Variants in PACRG observed in about 807,000 individuals in gnomAD.
PACRG encodes parkin coregulated gene protein.
PACRG carries 29 observed loss-of-function variants against 29.7 expected under a neutral mutation model. The observed-to-expected ratio is 0.98, with a 90% CI of 0.73 to 1.33. The LOEUF is 1.33. Among genes scored for constraint, PACRG ranks in the 40% most tolerant of loss-of-function variants. PACRG has a pLI of 0.00. For synonymous variants in PACRG, 116 were observed against 118.7 expected (o/e 0.98, Z 0.15); for missense variants, 279 against 316.2 (o/e 0.88, Z 0.89).
rs1225672104 is a variant in PACRG at position 162,728,335 on chromosome 6, C to T, written c.100C>T (p.Pro34Ser). 6 of 1,613,978 alleles carry T rather than the reference C, an allele frequency of 3.7e-6. No homozygotes were observed. The highest frequency in any genetic ancestry group is 3.4e-6 in the Non-Finnish European group (4 of 1,180,026). The change falls in exon 1 of 5, where the codon CCT (proline) becomes TCT (serine). Residue 34 changes from proline to serine, a missense_variant. Coordinates refer to ENST00000366888, the MANE Select transcript of PACRG (RefSeq NM_001080379.2). Reference sequence around the variant, plus strand: ...ACAACAGCCGCTCCCGGTGCACCAGCCTCACTCTCTGGTTTCTGAGGGTTT... The same window carrying T: ...ACAACAGCCGCTCCCGGTGCACCAGTCTCACTCTCTGGTTTCTGAGGGTTT... ...LAQQPLPVHQ[P>S]HSLVSEGFTV...
intron 4 of PACRG, among the ~76,000 whole-genome samples, chr6:163,113,449 ATAT>A (rs758140925): frequency 6.6e-6 from 1 of 152,336 alleles, no homozygotes; most frequent in East Asian, 1.9e-4. Flanking sequence ...ACACTGAGAC[ATAT>A]TATAATCAAA....
chr6:163,239,560 C>T (rs944847301), intron 4 of PACRG, among the ~76,000 whole-genome samples: 1 of 152,002 alleles, frequency 6.6e-6, no homozygotes, highest in African/African-American at 2.4e-5. Context: ...TCAATCTCTC[C>T]AAGTGCAACC....
At chr6:163,311,855 C>G (rs978157373) in intron 4 of PACRG, among the ~76,000 whole-genome samples, 10 of 152,122 alleles carry the variant, frequency 6.6e-5, no homozygotes, top group Admixed American at 6.6e-4. Context: ...TTCTGCTTGT[C>G]ATTGCTGCCT....
At chr6:162,978,061 T>A (rs1238320980) in intron 2 of PACRG, among the ~76,000 whole-genome samples, 1 of 150,632 alleles carries the variant, frequency 6.6e-6, no homozygotes, top group African/African-American at 2.5e-5. Context: ...GGAGAATCAC[T>A]TGAACCCGGG....
At chr6:162,868,390 T>C (rs893196737) in intron 2 of PACRG, among the ~76,000 whole-genome samples, 1 of 152,220 alleles carries the variant, frequency 6.6e-6, no homozygotes, top group Admixed American at 6.5e-5. Flanking sequence ...ATCTTTTAGA[T>C]TGTCGTGAGG....
At chr6:162,846,142 G>T (rs1049425854) in intron 2 of PACRG, among the ~76,000 whole-genome samples, 1 of 152,126 alleles carries the variant, frequency 6.6e-6, no homozygotes, top group African/African-American at 2.4e-5. Flanking sequence ...AGCTGGGCAG[G>T]GCTGTCAGGG....
chr6:162,791,017 T>C (rs886123894), intron 1 of PACRG, among the ~76,000 whole-genome samples: 5 of 152,220 alleles, frequency 3.3e-5, no homozygotes, highest in Admixed American at 2.0e-4. Flanking sequence ...TTTTTATTAT[T>C]GTAAATGAAC....
chr6:163,199,173 T>C (rs1431197772), intron 4 of PACRG, among the ~76,000 whole-genome samples: 1 of 152,162 alleles, frequency 6.6e-6, no homozygotes, highest in East Asian at 1.9e-4. Context: ...CATGATCATG[T>C]ACGGAATAAA....
At chr6:162,869,263 T>C (rs1385668058) in intron 2 of PACRG, among the ~76,000 whole-genome samples, 1 of 152,166 alleles carries the variant, frequency 6.6e-6, no homozygotes, top group East Asian at 1.9e-4. Flanking sequence ...CTATGTAACA[T>C]AGCCTGAAAG....
chr6:163,040,424 C>T (rs1808586077), intron 2 of PACRG, among the ~76,000 whole-genome samples: 1 of 152,254 alleles, frequency 6.6e-6, no homozygotes. Flanking sequence ...AGAGTCCCCA[C>T]TGGGGCACTG....
At chr6:162,929,884 G>C (rs1797722874) in intron 2 of PACRG, among the ~76,000 whole-genome samples, 1 of 151,924 alleles carries the variant, frequency 6.6e-6, no homozygotes. Flanking sequence ...AAATGAGTTG[G>C]CTGTAAATGC....
At chr6:162,935,020 C>T (rs1017713322) in intron 2 of PACRG, among the ~76,000 whole-genome samples, 1 of 152,118 alleles carries the variant, frequency 6.6e-6, no homozygotes, top group African/African-American at 2.4e-5. Context: ...CTGTTCTCTC[C>T]AGGCCTGTAT....
chr6:162,987,594 C>A (rs768615379), intron 2 of PACRG, among the ~76,000 whole-genome samples: 2 of 152,144 alleles, frequency 1.3e-5, no homozygotes, highest in Non-Finnish European at 2.9e-5. Flanking sequence ...GTAAGACAAG[C>A]CTTTGCTCCT....
chr6:163,153,981 G>A (rs1483427103), intron 4 of PACRG, among the ~76,000 whole-genome samples: 1 of 152,154 alleles, frequency 6.6e-6, no homozygotes, highest in Non-Finnish European at 1.5e-5. Flanking sequence ...GCCCTAAGAG[G>A]AAGAACAGCG....
intron 4 of PACRG, among the ~76,000 whole-genome samples, chr6:163,300,750 T>C (rs1441666167): frequency 2.0e-5 from 3 of 152,270 alleles, no homozygotes; most frequent in Admixed American, 2.0e-4. Context: ...AATGACCTTT[T>C]TGTGGCTTAA....
chr6:163,037,522 C>T (rs75149518), intron 2 of PACRG, among the ~76,000 whole-genome samples: 4,348 of 152,290 alleles, frequency 0.029, 225 homozygotes, highest in African/African-American at 0.1. Context: ...TCCCAAAGCT[C>T]AGCTCACACC....
chr6:163,205,007 C>T (rs1454277468), intron 4 of PACRG, among the ~76,000 whole-genome samples: 3 of 152,124 alleles, frequency 2.0e-5, no homozygotes, highest in Non-Finnish European at 4.4e-5. Context: ...GTATAGCTAA[C>T]CATGGAGGTG....
intron 1 of PACRG, among the ~76,000 whole-genome samples, chr6:162,762,664 A>T (rs958426837): frequency 6.6e-6 from 1 of 152,218 alleles, no homozygotes; most frequent in African/African-American, 2.4e-5. Context: ...GCGTTCTTTC[A>T]TTATGCATGC....
chr6:163,167,980 G>A (rs1003366818), intron 4 of PACRG, among the ~76,000 whole-genome samples: 5 of 152,170 alleles, frequency 3.3e-5, no homozygotes, highest in African/African-American at 1.2e-4. Flanking sequence ...GTTTCCAATT[G>A]AACATAGTAT....
Sources: gnomAD v4.1 joint callset for allele counts (sites outside exome capture counted in the v4.1 genomes callset) on GRCh38, gnomAD v4.1.1 for gene constraint, MANE v1.5 for transcripts, NCBI Gene and HGNC (gene_info 2026-07-23, HGNC 2026-07-21) for gene names.